The following CSMD3 variants were observed in gnomAD, a reference collection of about 807,000 sequenced individuals.
CSMD3 encodes CUB and sushi domain-containing protein 3.
In CSMD3, 177 loss-of-function variants were observed where a neutral mutation model predicts 435.2. The ratio of observed to expected loss-of-function variants is 0.41; its 90% CI spans 0.36 to 0.46. The LOEUF (loss-of-function observed/expected upper bound fraction) is 0.46, where lower values mean the gene tolerates loss of function less well. CSMD3 is among the 20% of genes least tolerant of loss of function. CSMD3 has a pLI of 0.34. For missense variants in CSMD3, 4,265 were observed against 4,504.6 expected (o/e 0.95, Z 1.52); for synonymous variants, 1,656 against 1,520.5 (o/e 1.09, Z -2.07).
intron 25 of CSMD3, among the ~76,000 whole-genome samples, chr8:112,555,854 A>G (rs577776084): frequency 6.6e-6 from 1 of 152,122 alleles, no homozygotes; most frequent in South Asian, 2.1e-4. Flanking sequence ...TGCACATTAA[A>G]TATGTGTAGT....
chr8:112,620,511 C>T (rs1350012521), intron 22 of CSMD3, among the ~76,000 whole-genome samples: 1 of 152,114 alleles, frequency 6.6e-6, no homozygotes, highest in Non-Finnish European at 1.5e-5. Context: ...AGAGAGCAGT[C>T]ATGTACTTTG....
At chr8:113,149,187 T>C (rs1435921592) in intron 4 of CSMD3, among the ~76,000 whole-genome samples, 1 of 151,852 alleles carries the variant, frequency 6.6e-6, no homozygotes, top group Non-Finnish European at 1.5e-5. Context: ...GGGCATTTTA[T>C]ATTTTTATTC....
intron 28 of CSMD3, among the ~76,000 whole-genome samples, chr8:112,516,732 T>C (rs191679426): frequency 1.3e-5 from 2 of 152,286 alleles, no homozygotes; most frequent in East Asian, 3.9e-4. Flanking sequence ...ATCCACTCTT[T>C]AAGCAATGGA....
At chr8:113,325,830 A>G (rs534146571) in intron 1 of CSMD3, among the ~76,000 whole-genome samples, 7 of 152,192 alleles carry the variant, frequency 4.6e-5, no homozygotes, top group South Asian at 2.1e-4. Context: ...TCTTAGCCTC[A>G]GATTATGAGA....
chr8:113,314,158 C>T (rs1397906552), intron 2 of CSMD3: 1 of 156,694 alleles, frequency 6.4e-6, no homozygotes, highest in African/African-American at 2.4e-5. Context: ...TTCTACTATT[C>T]ATGAATGCTG....
intron 3 of CSMD3, among the ~76,000 whole-genome samples, chr8:113,258,599 T>C (rs1260252105): frequency 1.3e-5 from 2 of 152,190 alleles, no homozygotes; most frequent in Non-Finnish European, 2.9e-5. Flanking sequence ...TTGGTACACA[T>C]ATATTATTGC....
intron 27 of CSMD3, among the ~76,000 whole-genome samples, chr8:112,526,623 AG>A (rs1254093696): frequency 2.6e-5 from 4 of 152,030 alleles, no homozygotes; most frequent in African/African-American, 9.6e-5. Context: ...TTTTATTATA[AG>A]GTTATGTACC....
intron 13 of CSMD3, among the ~76,000 whole-genome samples, chr8:112,719,313 GC>G (rs2076804689): frequency 6.6e-6 from 1 of 152,014 alleles, no homozygotes; most frequent in Non-Finnish European, 1.5e-5. Flanking sequence ...AACATAATAT[GC>G]CCCCCAAAAA....
At chr8:112,733,399 C>T (rs117173051) in intron 13 of CSMD3, among the ~76,000 whole-genome samples, 1 of 150,718 alleles carries the variant, frequency 6.6e-6, no homozygotes, top group East Asian at 2.0e-4. Flanking sequence ...TTTAAATTAA[C>T]ATTAAGTAAA....
chr8:112,690,252 T>C (rs2076102349), intron 13 of CSMD3, among the ~76,000 whole-genome samples: 1 of 151,924 alleles, frequency 6.6e-6, no homozygotes, highest in Non-Finnish European at 1.5e-5. Context: ...ATTTCTTTCT[T>C]TTTATATATG....
chr8:112,354,508 A>G (rs893293736), intron 38 of CSMD3, among the ~76,000 whole-genome samples: 7 of 152,232 alleles, frequency 4.6e-5, no homozygotes, highest in Non-Finnish European at 7.3e-5. Context: ...AAGTGTCAGG[A>G]TATTTAATCA....
At chr8:112,807,008 C>G (rs115511570) in intron 12 of CSMD3, among the ~76,000 whole-genome samples, 3 of 152,176 alleles carry the variant, frequency 2.0e-5, no homozygotes, top group Admixed American at 6.5e-5. Flanking sequence ...GCCAGACCAC[C>G]AGGTGGCCCA....
chr8:112,281,115 A>T, intron 59 of CSMD3, 59 bp downstream of exon 59: 1 of 1,259,076 alleles, frequency 7.9e-7, no homozygotes, highest in South Asian at 1.2e-5. Flanking sequence ...AAAAATACTT[A>T]TATACTCATC....
chr8:112,669,685 T>A (rs1443529376), intron 16 of CSMD3, among the ~76,000 whole-genome samples: 2 of 152,200 alleles, frequency 1.3e-5, no homozygotes, highest in African/African-American at 4.8e-5. Flanking sequence ...TTCATTCATC[T>A]TTTATTCATT....
chr8:112,909,707 A>G (rs910787990), intron 10 of CSMD3, among the ~76,000 whole-genome samples: 10 of 151,804 alleles, frequency 6.6e-5, no homozygotes, highest in African/African-American at 2.4e-4. Flanking sequence ...AGTGCAAATG[A>G]AGTGCAGTTC....
At chr8:112,568,562 A>G (rs368288974) in intron 24 of CSMD3, among the ~76,000 whole-genome samples, 1 of 142,292 alleles carries the variant, frequency 7.0e-6, no homozygotes, top group African/African-American at 2.7e-5. Flanking sequence ...CAAGGCACTG[A>G]AAAAAAAAAA....
chr8:113,209,616 T>C (rs1193722595), intron 3 of CSMD3, among the ~76,000 whole-genome samples: 3 of 152,134 alleles, frequency 2.0e-5, no homozygotes, highest in Non-Finnish European at 4.4e-5. Context: ...AAGGATTAGC[T>C]GGAGTGGGGA....
At chr8:113,226,781 C>T (rs529193566) in intron 3 of CSMD3, among the ~76,000 whole-genome samples, 2 of 151,508 alleles carry the variant, frequency 1.3e-5, no homozygotes, top group African/African-American at 4.8e-5. Context: ...GAAGCTGTTG[C>T]GGAAGTAATT....
In CSMD3 at chr8:112,550,946, G is replaced by A. The variant is rs951801791; in HGVS notation, c.4362-73C>T. The A allele has an allele frequency of 1.5e-5, 16 of 1,047,662 alleles. No homozygotes were observed. The African/African-American group carries it at 1.9e-4, about 12-fold the overall frequency. The allele number at this position is 1,047,662 out of a possible 1,614,324, so 64.9% of individuals were successfully genotyped here. Reference sequence around the variant, plus strand: ...TTTAAAGAAAAAATAGAACAAATGTGCATTATGCCTTTTACTAGATAGTTC... The same window carrying A: ...TTTAAAGAAAAAATAGAACAAATGTACATTATGCCTTTTACTAGATAGTTC... On this transcript the variant is annotated intron_variant, in intron 26 of 70. Transcript: ENST00000297405.
Sources: gnomAD v4.1 joint callset for allele counts (sites outside exome capture counted in the v4.1 genomes callset) on GRCh38, gnomAD v4.1.1 for gene constraint, MANE v1.5 for transcripts, NCBI Gene and HGNC (gene_info 2026-07-23, HGNC 2026-07-21) for gene names.